The following HGD variants were observed in gnomAD, a reference collection of about 807,000 sequenced individuals.
HGD encodes the protein homogentisate 1,2-dioxygenase.
Under a neutral mutation model 60.8 loss-of-function variants are expected in HGD, and 61 were observed. The observed-to-expected ratio is 1.00, with a 90% CI of 0.82 to 1.24. The LOEUF is 1.24. Among genes scored for constraint, HGD ranks in the 50% most tolerant of loss-of-function variants. HGD has a pLI of 0.00. For missense variants in HGD, 542 were observed against 547.1 expected (o/e 0.99, Z 0.09); for synonymous variants, 212 against 187.7 (o/e 1.13, Z -1.06).
At chr3:120,642,451 T>C (rs1360212334) in intron 10 of HGD, among the ~76,000 whole-genome samples, 2 of 152,220 alleles carry the variant, frequency 1.3e-5, no homozygotes, top group African/African-American at 2.4e-5. Context: ...TATAGGACTT[T>C]AGCAAGAGCT....
At chr3:120,675,563 A>C (rs190849067) in intron 2 of HGD, among the ~76,000 whole-genome samples, 80 of 152,154 alleles carry the variant, frequency 5.3e-4, no homozygotes, top group Middle Eastern at 6.8e-3. Flanking sequence ...CCTACTGGAA[A>C]CCCTACAGTT....
chr3:120,650,556 G>C (rs1559790028), intron 6 of HGD, among the ~76,000 whole-genome samples: 1 of 152,180 alleles, frequency 6.6e-6, no homozygotes. Context: ...TGATGTGCTT[G>C]TTTATATCAC....
At position 120,644,345 on chromosome 3, in the gene HGD, G is replaced by C. The variant is rs745635477; in HGVS notation, c.748C>G (p.Gln250Glu). The C allele has an allele frequency of 1.2e-6, 2 of 1,614,030 alleles. No individual in the cohort carries two copies. The highest frequency in any genetic ancestry group is 1.7e-5 in the Admixed American group (1 of 60,010). ...PGGYTVINKY[Q>E]GKLFAAKQDV... Reference sequence around the variant, plus strand: ...TGTTTGGCAGCAAACAGCTTGCCCTGGTATTTATTAATGACCGTGTAACCA... The same window carrying C: ...TGTTTGGCAGCAAACAGCTTGCCCTCGTATTTATTAATGACCGTGTAACCA... The change falls in exon 10 of 14, where the codon CAG (glutamine) becomes GAG (glutamate). Residue 250 changes from glutamine (Q) to glutamate (E), a missense_variant. Around this residue, in one of 2 missense-constraint regions of HGD, gnomAD observed 537 missense variants for 529.1 expected, o/e 1.01. Transcript: ENST00000283871.
Position 120,655,082 on chromosome 3 carries a change from A to G in HGD, c.283-2431T>C, listed in dbSNP as rs1941454525. 1.3e-5 allele frequency among the ~76,000 whole-genome samples: 2 copies of G among 152,072 alleles called. 1 individual carries two copies. The highest frequency in any genetic ancestry group is 4.1e-4 in the South Asian group (2 of 4,820). On this transcript the variant is annotated intron_variant, in intron 4 of 13. Coordinates refer to ENST00000283871, the MANE Select transcript of HGD (RefSeq NM_000187.4). Reference sequence around the variant, plus strand: ...TGAGACTCTGTCTAAAAAACAAAAAACAACAAAAACAACAACAACAAAACA... The same window carrying G: ...TGAGACTCTGTCTAAAAAACAAAAAGCAACAAAAACAACAACAACAAAACA...
At chr3:120,674,777 A>G (rs534462983) in intron 3 of HGD, 124 bp downstream of exon 3, 1 of 729,320 alleles carries the variant, frequency 1.4e-6, no homozygotes, top group Admixed American at 1.8e-5. Flanking sequence ...GACCCAGACC[A>G]TAGCCTATAA....
chr3:120,658,940 C>T (rs185834403), intron 4 of HGD, among the ~76,000 whole-genome samples: 2 of 152,356 alleles, frequency 1.3e-5, no homozygotes, highest in Admixed American at 1.3e-4. Flanking sequence ...AAAACAGTGT[C>T]CTGAGGCTGT....
At chr3:120,656,902 CA>C (rs1941515274) in intron 4 of HGD, among the ~76,000 whole-genome samples, 1 of 152,168 alleles carries the variant, frequency 6.6e-6, no homozygotes, top group African/African-American at 2.4e-5. Context: ...TCTAGAAAAT[CA>C]AATATTTCTA....
At chr3:120,670,647 C>A in intron 3 of HGD, 115 bp from the exon 4 acceptor site, 1 of 743,472 alleles carries the variant, frequency 1.3e-6, no homozygotes, top group East Asian at 2.5e-5. Context: ...GACCTGTAGG[C>A]TCTAATGTGT....
chr3:120,658,980 A>G (rs996857993), intron 4 of HGD, among the ~76,000 whole-genome samples: 1 of 152,240 alleles, frequency 6.6e-6, no homozygotes, highest in Admixed American at 6.5e-5. Flanking sequence ...GGCCTGGCCC[A>G]CAAAATCATT....
At chr3:120,639,678 GT>G (rs1381114074) in intron 11 of HGD, among the ~76,000 whole-genome samples, 30 of 152,148 alleles carry the variant, frequency 2.0e-4, no homozygotes, top group African/African-American at 7.2e-4. Flanking sequence ...CCAAGTTTTG[GT>G]GTAGATGTGC....
intron 4 of HGD, among the ~76,000 whole-genome samples, chr3:120,654,753 C>A (rs1197594784): frequency 6.6e-6 from 1 of 152,178 alleles, no homozygotes; most frequent in Admixed American, 6.5e-5. Context: ...GGGACAATAT[C>A]TTTGTACATC....
chr3:120,670,159 T>G (rs966126660), intron 4 of HGD: 7 of 478,114 alleles, frequency 1.5e-5, no homozygotes, highest in African/African-American at 9.7e-5. Context: ...TGTAAGTTTC[T>G]TGAGGCCTCC....
intron 4 of HGD, among the ~76,000 whole-genome samples, chr3:120,659,094 C>T (rs893960602): frequency 2.0e-5 from 3 of 152,222 alleles, no homozygotes; most frequent in African/African-American, 7.2e-5. Context: ...CAGCATTTGG[C>T]TCCTTTTTAT....
At chr3:120,678,243 C>G (rs1708168759) in intron 1 of HGD, among the ~76,000 whole-genome samples, 1 of 152,164 alleles carries the variant, frequency 6.6e-6, no homozygotes, top group Non-Finnish European at 1.5e-5. Flanking sequence ...CAAAATGAAC[C>G]CCATGCTCAC....
chr3:120,670,589 A>G (rs1708005462), intron 3 of HGD, 57 bp from the exon 4 acceptor site: 4 of 974,222 alleles, frequency 4.1e-6, no homozygotes, highest in Non-Finnish European at 6.7e-6. Flanking sequence ...TGAGTGATAC[A>G]CAGAATGGCT....
chr3:120,660,825 A>C (rs1296043405), intron 4 of HGD, among the ~76,000 whole-genome samples: 1 of 152,170 alleles, frequency 6.6e-6, no homozygotes, highest in Non-Finnish European at 1.5e-5. Context: ...AACAAAACAT[A>C]ACAAAAGTCT....
chr3:120,644,988 C>A (rs936334691), intron 9 of HGD, among the ~76,000 whole-genome samples: 3 of 152,168 alleles, frequency 2.0e-5, no homozygotes, highest in Non-Finnish European at 2.9e-5. Context: ...TGCCTGCTTA[C>A]CTTTGCTTAG....
In HGD at chr3:120,632,503, G is replaced by A. The variant is rs186688179; in HGVS notation, c.1188+644C>T. 2.0e-3 allele frequency among the ~76,000 whole-genome samples: 309 copies of A among 152,318 alleles called. 2 individuals carry two copies. Among genetic ancestry groups the A allele is most frequent in the African/African-American group, 7.0e-3 (290 of 41,574 alleles). ...AAACAGGTTTTAAATCCCATCAGTTGCATCCATGCCAAAGCAGAGCAAAGG... is the reference window on the plus strand; with the variant it reads ...AAACAGGTTTTAAATCCCATCAGTTACATCCATGCCAAAGCAGAGCAAAGG... On this transcript the variant is annotated intron_variant, in intron 13 of 13. Coordinates refer to ENST00000283871, the MANE Select transcript of HGD (RefSeq NM_000187.4).
chr3:120,682,064 A>G, intron 1 of HGD, 33 bp downstream of exon 1: 1 of 1,610,506 alleles, frequency 6.2e-7, no homozygotes. Context: ...TTGGCTGAAG[A>G]AGCCATAGCA....
Sources: gnomAD v4.1 joint callset for allele counts (sites outside exome capture counted in the v4.1 genomes callset) on GRCh38, gnomAD v4.1.1 for gene constraint, gnomAD v4.1.1 regional missense constraint, MANE v1.5 for transcripts, NCBI Gene and HGNC (gene_info 2026-07-23, HGNC 2026-07-21) for gene names.